PAN3: variants seen among roughly 807,000 people sequenced by gnomAD.
PAN3 encodes poly(A) specific ribonuclease subunit PAN3, also known as PAN2-PAN3 deadenylation complex subunit PAN3.
A neutral mutation model predicts 96.2 loss-of-function variants in PAN3; 19 were observed. The observed-to-expected ratio is 0.20, with a 90% CI of 0.14 to 0.29. The LOEUF (loss-of-function observed/expected upper bound fraction) is 0.29, where lower values mean the gene tolerates loss of function less well. Ranked by LOEUF, PAN3 falls within the 10% of genes least tolerant of loss-of-function variation. PAN3 has a pLI of 1.00. For synonymous variants in PAN3, 433 were observed against 406.6 expected (o/e 1.06, Z -0.78); for missense variants, 882 against 1,108.1 (o/e 0.80, Z 2.90).
intron 1 of PAN3, among the ~76,000 whole-genome samples, chr13:28,161,132 T>G (rs1872832968): frequency 6.6e-6 from 1 of 152,244 alleles, no homozygotes; most frequent in Non-Finnish European, 1.5e-5. Context: ...AATATTTTTA[T>G]TAACCTGTAT....
intron 15 of PAN3, 58 bp from the exon 16 acceptor site, chr13:28,280,354 T>C: frequency 3.9e-6 from 6 of 1,544,854 alleles, no homozygotes; most frequent in Non-Finnish European, 4.4e-6. Flanking sequence ...GTTTGGGTTA[T>C]CTTGTTTTTT....
At chr13:28,168,932 G>T (rs1873928758) in intron 1 of PAN3, among the ~76,000 whole-genome samples, 1 of 150,172 alleles carries the variant, frequency 6.7e-6, no homozygotes, top group African/African-American at 2.5e-5. Context: ...GCAGGAGAAT[G>T]GCATGAACCC....
intron 2 of PAN3, among the ~76,000 whole-genome samples, chr13:28,174,701 T>C (rs1874736423): frequency 6.6e-6 from 1 of 152,214 alleles, no homozygotes; most frequent in African/African-American, 2.4e-5. Flanking sequence ...TTTAAAATTA[T>C]GTTTTAAGCA....
intron 4 of PAN3, among the ~76,000 whole-genome samples, chr13:28,192,493 T>C (rs1877421232): frequency 6.6e-6 from 1 of 152,254 alleles, no homozygotes; most frequent in Non-Finnish European, 1.5e-5. Flanking sequence ...AGTTTTCCCC[T>C]AACCTATACT....
intron 7 of PAN3, among the ~76,000 whole-genome samples, chr13:28,258,952 G>A (rs1457819330): frequency 6.6e-6 from 1 of 152,002 alleles, no homozygotes; most frequent in Non-Finnish European, 1.5e-5. Flanking sequence ...CTTCTCATTT[G>A]TTGTATTGTC....
intron 17 of PAN3, among the ~76,000 whole-genome samples, chr13:28,286,982 C>T (rs1869064961): frequency 6.6e-6 from 1 of 152,082 alleles, no homozygotes; most frequent in Non-Finnish European, 1.5e-5. Context: ...TCCCCCCATC[C>T]CCCATTCTTT....
At chr13:28,194,466 A>ATATATATTTTTTT (rs1429166016) in intron 4 of PAN3, among the ~76,000 whole-genome samples, 77 of 122,096 alleles carry the variant, frequency 6.3e-4, no homozygotes, top group African/African-American at 2.7e-3. Flanking sequence ...ATATATATAT[A>ATATATATTTTTTT]TTTTTTTTTT....
At chr13:28,247,858 A>C (rs535280099) in intron 6 of PAN3, among the ~76,000 whole-genome samples, 1 of 152,170 alleles carries the variant, frequency 6.6e-6, no homozygotes, top group East Asian at 1.9e-4. Context: ...CAAGTAGTAG[A>C]TGTCTCGTGC....
intron 1 of PAN3, among the ~76,000 whole-genome samples, chr13:28,145,954 A>G (rs376090110): frequency 8.5e-4 from 127 of 150,014 alleles, no homozygotes; most frequent in East Asian, 6.7e-3. Context: ...TTTAGTAGAG[A>G]TGAGGGTTTC....
intron 9 of PAN3, among the ~76,000 whole-genome samples, chr13:28,261,873 G>C (rs1885766937): frequency 6.7e-6 from 1 of 148,236 alleles, no homozygotes; most frequent in Non-Finnish European, 1.5e-5. Context: ...AGGTACTACT[G>C]ATCATCTAGT....
chr13:28,289,311 G>A (rs1368358120), intron 18 of PAN3, among the ~76,000 whole-genome samples: 1 of 152,080 alleles, frequency 6.6e-6, no homozygotes, highest in Non-Finnish European at 1.5e-5. Context: ...GTTTTGATCT[G>A]TCACCCAGGC....
intron 6 of PAN3, among the ~76,000 whole-genome samples, chr13:28,241,034 G>T (rs1306950418): frequency 1.3e-5 from 2 of 152,192 alleles, no homozygotes; most frequent in Non-Finnish European, 2.9e-5. Flanking sequence ...AACCGAGGTG[G>T]CAAGGTTGCT....
At chr13:28,210,553 T>C (rs1284603352) in intron 5 of PAN3, among the ~76,000 whole-genome samples, 3 of 152,208 alleles carry the variant, frequency 2.0e-5, no homozygotes, top group Non-Finnish European at 4.4e-5. Flanking sequence ...TTATAAACTA[T>C]ATTATTAGAC....
intron 6 of PAN3, among the ~76,000 whole-genome samples, chr13:28,241,757 A>G (rs568376761): frequency 2.6e-5 from 4 of 152,314 alleles, no homozygotes; most frequent in South Asian, 4.1e-4. Context: ...TTAAAAATGA[A>G]TAAGTATTTG....
At chr13:28,239,902 G>C (rs1461339163) in intron 6 of PAN3, 12 of 314,460 alleles carry the variant, frequency 3.8e-5, no homozygotes, top group Non-Finnish European at 7.5e-5. Flanking sequence ...GCAAGAATTT[G>C]TATGCACTGA....
intron 1 of PAN3, among the ~76,000 whole-genome samples, chr13:28,152,798 A>G (rs757080686): frequency 1.3e-5 from 2 of 152,208 alleles, no homozygotes; most frequent in Non-Finnish European, 1.5e-5. Flanking sequence ...CAATAGGTAT[A>G]TAAAAGTTCC....
intron 5 of PAN3, among the ~76,000 whole-genome samples, chr13:28,219,069 A>G (rs1203149592): frequency 6.6e-6 from 1 of 152,220 alleles, no homozygotes; most frequent in Non-Finnish European, 1.5e-5. Flanking sequence ...TCTTCTCCAG[A>G]AATCAAGGAA....
intron 1 of PAN3, among the ~76,000 whole-genome samples, chr13:28,154,546 G>C (rs1871839519): frequency 6.6e-6 from 1 of 152,098 alleles, no homozygotes; most frequent in Non-Finnish European, 1.5e-5. Flanking sequence ...CCAGGGTGGA[G>C]TACAATGGCA....
At chr13:28,260,162 C>T (rs374378027) in intron 7 of PAN3, among the ~76,000 whole-genome samples, 18 of 151,788 alleles carry the variant, frequency 1.2e-4, no homozygotes, top group African/African-American at 4.1e-4. Flanking sequence ...TTTGGGAGGC[C>T]GAGGCAGGTG....
Sources: allele counts gnomAD v4.1 joint callset (sites outside exome capture counted in the v4.1 genomes callset), GRCh38; gene constraint gnomAD v4.1.1; transcripts MANE v1.5; gene names NCBI Gene and HGNC (gene_info 2026-07-23, HGNC 2026-07-21).